The following TPR variants were observed in gnomAD, a reference collection of about 807,000 sequenced individuals.
The protein encoded by TPR is nucleoprotein TPR.
Under a neutral mutation model 316.1 loss-of-function variants are expected in TPR, and 51 were observed. The ratio of observed to expected loss-of-function variants is 0.16; its 90% CI spans 0.13 to 0.20. The LOEUF (loss-of-function observed/expected upper bound fraction) is 0.20, where lower values mean the gene tolerates loss of function less well. Ranked by LOEUF, TPR falls within the 10% of genes least tolerant of loss-of-function variation. The pLI, the probability that TPR is intolerant of heterozygous loss-of-function variation, is 1.00. For missense variants in TPR, 2,272 were observed against 2,754.8 expected (o/e 0.82, Z 3.92); for synonymous variants, 981 against 914.7 (o/e 1.07, Z -1.31).
intron 43 of TPR, among the ~76,000 whole-genome samples, chr1:186,323,332 G>A (rs1354159620): frequency 6.6e-6 from 1 of 152,088 alleles, no homozygotes; most frequent in Non-Finnish European, 1.5e-5. Context: ...ATAAATACGT[G>A]CACTGTAGAG....
In TPR at chr1:186,337,084, G is replaced by A; in HGVS notation, c.4435C>T (p.Leu1479Phe). 1 of 1,613,874 alleles carries A rather than the reference G, an allele frequency of 6.2e-7. No homozygotes were observed. ...QHVSVQEMQE[L>F]KETLNQAETK... is the part of the protein sequence containing the mutation. ...TCAGCTTGGTTGAGCGTTTCTTTGA[G>A]TTCCTGCATTTCCTGGACTGAAACA... Residue 1479 changes from leucine to phenylalanine, a missense_variant, in exon 32 of 51, where the codon CTC becomes TTC. Around this residue, in one of 10 missense-constraint regions of TPR, gnomAD observed 101 missense variants for 113.0 expected, o/e 0.89. Transcript: ENST00000367478.
intron 40 of TPR, among the ~76,000 whole-genome samples, chr1:186,327,006 A>G (rs987309100): frequency 2.4e-5 from 2 of 82,964 alleles, no homozygotes; most frequent in Non-Finnish European, 4.4e-5. Context: ...TAATATATTA[A>G]ATATATAATA....
At chr1:186,348,517 T>G (rs1658751530) in intron 21 of TPR, among the ~76,000 whole-genome samples, 1 of 152,188 alleles carries the variant, frequency 6.6e-6, no homozygotes, top group African/African-American at 2.4e-5. Context: ...TAGATCCTTA[T>G]CAGTGGTTCT....
Position 186,360,836 on chromosome 1 carries a change from A to G in TPR, c.1028T>C (p.Leu343Pro). The G allele has an allele frequency of 6.2e-7, 1 of 1,612,966 alleles. No individual in the cohort carries two copies. The highest frequency in any genetic ancestry group is 8.5e-7 in the Non-Finnish European group (1 of 1,179,320). Residue 343 changes from leucine to proline, a missense_variant, in exon 10 of 51, where the codon CTT becomes CCT. Leu to Pro is a moderately conservative substitution (Grantham distance 98). Coordinates refer to ENST00000367478, the MANE Select transcript of TPR (RefSeq NM_003292.3). ...QSKDQMEKEM[L>P]EKIGRLEKEL... ...CTTCTCCAATCTCCCTATTTTCTCA[A>G]GCATTTCTTTTTCCATTTGATCTTT...
intron 1 of TPR, 94 bp downstream of exon 1, chr1:186,374,784 G>T: frequency 7.5e-7 from 1 of 1,340,038 alleles, no homozygotes; most frequent in Non-Finnish European, 1.0e-6. Context: ...GAGGTTAACA[G>T]AGCGGTACCC....
In TPR at chr1:186,367,815, G is replaced by C. The variant is rs188793771; in HGVS notation, c.427+71C>G. The C allele has an allele frequency of 3.9e-4, 424 of 1,082,122 alleles. 1 individual carries two copies. The highest frequency in any genetic ancestry group is 5.5e-4 in the Non-Finnish European group (402 of 729,442). 67.0% of individuals were successfully genotyped at this position (1,082,122 alleles called of 1,614,324 possible). A position where few individuals can be genotyped will look rare whatever the true frequency, so the allele number is the denominator to read the frequency against. On this transcript the variant is annotated intron_variant, in intron 4 of 50. Coordinates refer to ENST00000367478, the MANE Select transcript of TPR (RefSeq NM_003292.3). The stretch of plus-strand genomic sequence containing the variant: ...AATATCAGCAACAGAAATGGGCTGA[G>C]CACTAACTCCTAGCACTAACAGAAG...
chr1:186,345,680 T>C lies in TPR; in HGVS notation c.3113A>G (p.Lys1038Arg), dbSNP rs1432231804. The stretch of plus-strand genomic sequence containing the variant: ...TTCATTCTGAACACTAGAAAGTGTT[T>C]TCTTCAATTCAGATAACTAAGCAGA... ...SMEQQLSELK[K>R]TLSSVQNEVQ... is the part of the protein sequence containing the mutation. The change falls in exon 24 of 51, where the codon AAA becomes AGA. Residue 1038 changes from lysine (K) to arginine (R), a missense_variant. Physicochemically the swap from Lys to Arg is conservative, Grantham distance 26 (BLOSUM62 2). Coordinates refer to ENST00000367478, the MANE Select transcript of TPR (RefSeq NM_003292.3). 2 of 1,610,638 alleles carry C rather than the reference T, an allele frequency of 1.2e-6. No individual in the cohort carries two copies. The highest frequency in any genetic ancestry group is 1.1e-5 in the South Asian group (1 of 90,658).
rs1477234033 is a variant in TPR at position 186,361,932 on chromosome 1, G to A, written c.790-63C>T. 4.7e-6 allele frequency: 7 copies of A among 1,504,178 alleles called. No individual in the cohort carries two copies. In the Admixed American group the frequency reaches 1.3e-4, roughly 27 times the overall value. The allele number at this position is 1,504,178 out of a possible 1,614,324, so 93.2% of individuals were successfully genotyped here. On this transcript the variant is annotated intron_variant, in intron 7 of 50. Transcript: ENST00000367478. ...ACTAAATTTAGAATGCTTATCAAAT[G>A]ACAAGATGAAAAATTCCATTTTTGT... is the stretch of plus-strand genomic sequence containing the variant.
intron 20 of TPR, 52 bp from the exon 21 acceptor site, chr1:186,350,440 G>T (rs754021700): frequency 7.5e-7 from 1 of 1,338,286 alleles, no homozygotes; most frequent in Admixed American, 2.7e-5. Flanking sequence ...AGTAACTAAA[G>T]GTTCAAACTA....
chr1:186,338,762 C>T lies in TPR; in HGVS notation c.4152-519G>A, dbSNP rs573689470. Among the ~76,000 whole-genome samples, 5 of 152,118 alleles carry T rather than the reference C, an allele frequency of 3.3e-5. 1 individual carries two copies. Among genetic ancestry groups the T allele is most frequent in the Non-Finnish European group, 5.9e-5 (4 of 68,024 alleles). On this transcript the variant is annotated intron_variant, in intron 30 of 50. Transcript: ENST00000367478. ...GTCTATGGGCTACAGTTTGCCAACC[C>T]CTGTCCTATATCCTGAACTGAACTT...
chr1:186,375,090 G>A lies in TPR; in HGVS notation c.-62C>T. ...CGGGGTAGAAGCGGAGAAGAAAGGC[G>A]AAGACCAGCAGGACCCAGACGCCTG... On this transcript the variant is annotated 5_prime_UTR_variant, in exon 1 of 51. Transcript: ENST00000367478. The A allele has an allele frequency of 6.2e-7, 1 of 1,605,572 alleles. No individual in the cohort carries two copies. Among genetic ancestry groups the A allele is most frequent in the Non-Finnish European group, 8.5e-7 (1 of 1,176,556 alleles).
At chr1:186,367,364 C>A (rs1391557211) in intron 4 of TPR, among the ~76,000 whole-genome samples, 1 of 152,110 alleles carries the variant, frequency 6.6e-6, no homozygotes, top group Non-Finnish European at 1.5e-5. Flanking sequence ...CGTGCCTGGG[C>A]ACCAAAGGAA....
intron 38 of TPR, 70 bp downstream of exon 38, chr1:186,332,125 G>T: frequency 6.7e-7 from 1 of 1,493,560 alleles, no homozygotes. Flanking sequence ...ATTTTCTTTA[G>T]GCTGTAGCTG....
rs948101809 is a variant in TPR, at chr1:186,313,476, G to A, written c.*495C>T. On this transcript the variant is annotated 3_prime_UTR_variant, in exon 51 of 51. Coordinates refer to ENST00000367478, the MANE Select transcript of TPR (RefSeq NM_003292.3). ...GAACCTGATTTTACAAAAAGATGGT[G>A]AAATGTCAATCTTTTGAAACATCAA... The A allele has an allele frequency of 1.2e-5, 6 of 520,538 alleles. No individual in the cohort carries two copies. The highest frequency in any genetic ancestry group is 2.0e-5 in the Non-Finnish European group (6 of 294,114). The allele number at this position is 520,538 out of a possible 1,614,324, so 32.2% of individuals were successfully genotyped here. A position where few individuals can be genotyped will look rare whatever the true frequency, so the allele number is the denominator to read the frequency against.
At chr1:186,353,924 T>C (rs1571627917) in intron 17 of TPR, 74 bp from the exon 18 acceptor site, 10 of 1,403,880 alleles carry the variant, frequency 7.1e-6, no homozygotes, top group Admixed American at 2.0e-5. Flanking sequence ...AATTTCACAA[T>C]AGCTTAACCC....
rs1342190421 is a variant in TPR, at chr1:186,351,342, A to C, written c.2598T>G (p.Thr866=). ...ENEVEQRHTL[T]RNLDVQLLDT... is the part of the protein sequence containing the mutation. ...CTGATGGACTCACATCTAGATTTCT[A>C]GTAAGTGTATGCCTTTGTTCCACCT... Residue 866 remains threonine, a synonymous_variant, in exon 20 of 51, where the codon ACT becomes ACG. Coordinates refer to ENST00000367478, the MANE Select transcript of TPR (RefSeq NM_003292.3). The C allele has an allele frequency of 6.2e-7, 1 of 1,607,566 alleles. No individual in the cohort carries two copies. The highest frequency in any genetic ancestry group is 2.2e-5 in the East Asian group (1 of 44,672).
Position 186,373,479 on chromosome 1 carries a change from A to C in TPR, c.152-16T>G. 2.7e-6 allele frequency: 4 copies of C among 1,487,786 alleles called. No homozygotes were observed. The highest frequency in any genetic ancestry group is 3.7e-6 in the Non-Finnish European group (4 of 1,071,832). The allele number at this position is 1,487,786 out of a possible 1,614,324, so 92.2% of individuals were successfully genotyped here. A position where few individuals can be genotyped will look rare whatever the true frequency, so the allele number is the denominator to read the frequency against. On this transcript the variant is annotated splice_polypyrimidine_tract_variant and intron_variant, in intron 1 of 50. Transcript: ENST00000367478. ...TACTGTTGTTCTACAGCAGACAAGC[A>C]AAAAACAAAAAACAAAATCAAACAC...
At chr1:186,329,570 AACTGTTTTG>A (rs1409322568) in intron 39 of TPR, among the ~76,000 whole-genome samples, 34 of 152,142 alleles carry the variant, frequency 2.2e-4, no homozygotes, top group Non-Finnish European at 1.2e-4. Flanking sequence ...ATGAAGTTCT[AACTGTTTTG>A]ACTGTGGCCC....
intron 23 of TPR, 123 bp from the exon 24 acceptor site, chr1:186,345,819 G>T: frequency 1.4e-6 from 1 of 707,264 alleles, no homozygotes; most frequent in Non-Finnish European, 2.3e-6. Context: ...AAAAACTGCT[G>T]CTAAATTTAA....
Sources: allele counts gnomAD v4.1 joint callset (sites outside exome capture counted in the v4.1 genomes callset), GRCh38; gene constraint gnomAD v4.1.1; regional missense constraint gnomAD v4.1.1; transcripts MANE v1.5; gene names NCBI Gene and HGNC (gene_info 2026-07-23, HGNC 2026-07-21).